SEMA6D: variants seen among roughly 807,000 people sequenced by gnomAD.
SEMA6D encodes semaphorin-6D.
In SEMA6D, 35 loss-of-function variants were observed where a neutral mutation model predicts 106.6. The ratio of observed to expected loss-of-function variants is 0.33; its 90% CI spans 0.25 to 0.44. SEMA6D has a LOEUF of 0.44. Among genes scored for constraint, SEMA6D ranks in the 20% least tolerant of loss-of-function variants. The probability of loss-of-function intolerance (pLI) is 1.00; values close to 1 mark genes in which losing one functional copy is unlikely to be tolerated. For synonymous variants in SEMA6D, 499 were observed against 487.7 expected (o/e 1.02, Z -0.31); for missense variants, 1,185 against 1,345.9 (o/e 0.88, Z 1.87).
In SEMA6D at chr15:47,763,190, C is replaced by T. The variant is rs538834259; in HGVS notation, c.747+86C>T. 2.5e-5 allele frequency: 25 copies of T among 1,018,690 alleles called. No homozygotes were observed. In the East Asian group the frequency reaches 5.9e-4, roughly 24 times the overall value. 63.1% of individuals were successfully genotyped at this position (1,018,690 alleles called of 1,614,324 possible). A position where few individuals can be genotyped will look rare whatever the true frequency, so the allele number is the denominator to read the frequency against. ...GATAGAGTTAAGGATGCTCACTTGGCATGTTTTCCAGCTCTCAATTCAGTA... is the reference window on the plus strand; with the variant it reads ...GATAGAGTTAAGGATGCTCACTTGGTATGTTTTCCAGCTCTCAATTCAGTA... On this transcript the variant is annotated intron_variant, in intron 9 of 18. Coordinates refer to ENST00000536845, the MANE Select transcript of SEMA6D (RefSeq NM_001358351.3).
chr15:47,542,108 G>A (rs1300659266), intron 3 of SEMA6D, among the ~76,000 whole-genome samples: 3 of 152,292 alleles, frequency 2.0e-5, no homozygotes, highest in East Asian at 3.9e-4. Flanking sequence ...AACTGCAGGT[G>A]CACCTAAGAT....
chr15:47,413,591 C>A (rs1650613274), intron 2 of SEMA6D, among the ~76,000 whole-genome samples: 2 of 151,904 alleles, frequency 1.3e-5, no homozygotes. Flanking sequence ...TCAAAGGATC[C>A]CCCCACCTCA....
intron 2 of SEMA6D, among the ~76,000 whole-genome samples, chr15:47,463,464 G>T (rs564446516): frequency 6.6e-6 from 1 of 152,270 alleles, no homozygotes; most frequent in South Asian, 2.1e-4. Context: ...ATTTACAAAG[G>T]AAAATAGGCT....
At chr15:47,721,464 C>T (rs565999323) in intron 1 of SEMA6D, among the ~76,000 whole-genome samples, 10 of 152,258 alleles carry the variant, frequency 6.6e-5, no homozygotes, top group African/African-American at 2.4e-4. Context: ...TGAACAGCTG[C>T]CAACTTCCAA....
chr15:47,624,500 G>A (rs1002500031), intron 4 of SEMA6D, among the ~76,000 whole-genome samples: 4 of 151,874 alleles, frequency 2.6e-5, no homozygotes, highest in Admixed American at 6.6e-5. Flanking sequence ...TGGGGTTACC[G>A]GAATTCTAGA....
intron 1 of SEMA6D, among the ~76,000 whole-genome samples, chr15:47,407,187 C>CCATG (rs1365115100): frequency 6.6e-6 from 1 of 151,668 alleles, no homozygotes; most frequent in Admixed American, 6.6e-5. Flanking sequence ...AATGGTGAAA[C>CCATG]CATGTCTCTA....
intron 2 of SEMA6D, among the ~76,000 whole-genome samples, chr15:47,424,794 G>A (rs769313087): frequency 6.6e-6 from 1 of 152,108 alleles, no homozygotes; most frequent in Non-Finnish European, 1.5e-5. Flanking sequence ...ATTAACAGGA[G>A]CAAAAGCATA....
chr15:47,606,067 G>T (rs1460944832), intron 4 of SEMA6D, among the ~76,000 whole-genome samples: 1 of 152,084 alleles, frequency 6.6e-6, no homozygotes, highest in East Asian at 1.9e-4. Context: ...GCTAAGAGTT[G>T]CCTCATTAGA....
At chr15:47,399,110 A>G (rs900567554) in intron 1 of SEMA6D, among the ~76,000 whole-genome samples, 2 of 152,302 alleles carry the variant, frequency 1.3e-5, no homozygotes, top group Non-Finnish European at 2.9e-5. Context: ...ATAAACTTCT[A>G]TATATTTCCT....
At chr15:47,252,645 A>G (rs2033588321) in intron 1 of SEMA6D, among the ~76,000 whole-genome samples, 1 of 152,130 alleles carries the variant, frequency 6.6e-6, no homozygotes, top group Admixed American at 6.5e-5. Context: ...AGATCATACA[A>G]TTTTGGTCTT....
At chr15:47,535,306 C>T (rs890039920) in intron 3 of SEMA6D, among the ~76,000 whole-genome samples, 8 of 152,090 alleles carry the variant, frequency 5.3e-5, no homozygotes, top group African/African-American at 1.9e-4. Context: ...TACAGGTGTT[C>T]ACCTATCCCA....
chr15:47,622,397 G>A (rs1241733278), intron 4 of SEMA6D, among the ~76,000 whole-genome samples: 1 of 152,132 alleles, frequency 6.6e-6, no homozygotes, highest in Non-Finnish European at 1.5e-5. Context: ...TGGAACCGGA[G>A]TATGCTAAAG....
At chr15:47,362,089 T>C (rs952444081) in intron 1 of SEMA6D, among the ~76,000 whole-genome samples, 1 of 152,116 alleles carries the variant, frequency 6.6e-6, no homozygotes, top group Non-Finnish European at 1.5e-5. Flanking sequence ...GAAAGTTGAG[T>C]AGACTGCCTT....
At chr15:47,437,204 G>A (rs2041745658) in intron 2 of SEMA6D, among the ~76,000 whole-genome samples, 2 of 151,978 alleles carry the variant, frequency 1.3e-5, no homozygotes, top group African/African-American at 4.8e-5. Flanking sequence ...TTGCTGTCTT[G>A]TGCCTAATCC....
chr15:47,523,474 C>G (rs1392108151), intron 3 of SEMA6D, among the ~76,000 whole-genome samples: 1 of 151,830 alleles, frequency 6.6e-6, no homozygotes. Context: ...ATGTTCCAAG[C>G]AGAGGAAAAG....
intron 2 of SEMA6D, among the ~76,000 whole-genome samples, chr15:47,419,886 G>A (rs1222724007): frequency 6.6e-6 from 1 of 152,118 alleles, no homozygotes; most frequent in Admixed American, 6.5e-5. Flanking sequence ...TGACCTGGAA[G>A]TGCTGGGCTG....
At chr15:47,726,082 C>A (rs1153822) in intron 1 of SEMA6D, among the ~76,000 whole-genome samples, 144,794 of 152,344 alleles carry the variant, frequency 0.95, 69,359 homozygotes, top group African/African-American at 0.99. Flanking sequence ...GCTCCCACCC[C>A]GTTGCTTGTT....
chr15:47,270,067 T>G (rs1277015635), intron 1 of SEMA6D, among the ~76,000 whole-genome samples: 3 of 150,576 alleles, frequency 2.0e-5, no homozygotes, highest in African/African-American at 7.3e-5. Flanking sequence ...AGTTCAAACA[T>G]CTTTCATTGT....
At chr15:47,491,253 TAA>T (rs1456226411) in intron 3 of SEMA6D, among the ~76,000 whole-genome samples, 1 of 152,126 alleles carries the variant, frequency 6.6e-6, no homozygotes, top group Non-Finnish European at 1.5e-5. Context: ...ACCAAGATGA[TAA>T]GACACTTTGA....
Sources: allele counts gnomAD v4.1 joint callset (sites outside exome capture counted in the v4.1 genomes callset), GRCh38; gene constraint gnomAD v4.1.1; transcripts MANE v1.5; gene names NCBI Gene and HGNC (gene_info 2026-07-23, HGNC 2026-07-21).